LRP4: variants seen among roughly 807,000 people sequenced by gnomAD.
LRP4 encodes LDL receptor related protein 4.
A neutral mutation model predicts 220.3 loss-of-function variants in LRP4; 95 were observed. The observed-to-expected ratio is 0.43, with a 90% CI of 0.37 to 0.51. The LOEUF is 0.51. Ranked by LOEUF, LRP4 falls within the 20% of genes least tolerant of loss-of-function variation. LRP4 has a pLI of 0.00. For synonymous variants in LRP4, 903 were observed against 954.6 expected (o/e 0.95, Z 1.00); for missense variants, 1,925 against 2,567.0 (o/e 0.75, Z 5.40).
At chr11:46,909,748 T>A (rs1276047686) in intron 1 of LRP4, among the ~76,000 whole-genome samples, 1 of 150,138 alleles carries the variant, frequency 6.7e-6, no homozygotes, top group Non-Finnish European at 1.5e-5. Context: ...AATGAATGAA[T>A]GAATGAAACA....
In LRP4 at chr11:46,900,415, C is replaced by G. The variant is rs17848235; in HGVS notation, c.200-37G>C. 8.5e-6 allele frequency: 11 copies of G among 1,290,562 alleles called. No homozygotes were observed. In the East Asian group the frequency reaches 2.5e-4, roughly 30 times the overall value. The allele number at this position is 1,290,562 out of a possible 1,614,324, so 79.9% of individuals were successfully genotyped here. A position where few individuals can be genotyped will look rare whatever the true frequency, so the allele number is the denominator to read the frequency against. On this transcript the variant is annotated intron_variant, in intron 2 of 37. Transcript: ENST00000378623. ...GAAAAGAAAAGAAAAGTCAATCAAC[C>G]TGGTATTCTTACTCAGGCTCAACTA...
Position 46,875,227 on chromosome 11 carries a change from GT to G in LRP4, c.3926-125del. 1 of 1,090,470 alleles carries G rather than the reference GT, an allele frequency of 9.2e-7. No homozygotes were observed. The highest frequency in any genetic ancestry group is 2.0e-5 in the Admixed American group (1 of 50,568). 67.5% of individuals were successfully genotyped at this position (1,090,470 alleles called of 1,614,324 possible). A position where few individuals can be genotyped will look rare whatever the true frequency, so the allele number is the denominator to read the frequency against. On this transcript the variant is annotated intron_variant, in intron 27 of 37. Transcript: ENST00000378623. This position sits in a 1 kb window ranked among gnomAD's most constrained non-coding sequence, Gnocchi z 4.5. ...GTGACAGGATTCAGTGCCTGGCAGG[GT>G]GAGGTAGAAGGAGGGTCTGCAGGAG...
chr11:46,907,118 A>G (rs984666583), intron 1 of LRP4, among the ~76,000 whole-genome samples: 2 of 152,314 alleles, frequency 1.3e-5, no homozygotes, highest in African/African-American at 2.4e-5. Flanking sequence ...AAGAAAACAA[A>G]TGACTGTGGG....
intron 12 of LRP4, among the ~76,000 whole-genome samples, 167 bp downstream of exon 12, chr11:46,894,422 T>C (rs1941481807): frequency 2.0e-5 from 3 of 152,204 alleles, no homozygotes; most frequent in South Asian, 2.1e-4. Context: ...ACCTATAAAA[T>C]TGATATACAT....
At chr11:46,879,104 A>G (rs1390380304) in intron 21 of LRP4, 22 bp downstream of exon 21, 1 of 1,614,114 alleles carries the variant, frequency 6.2e-7, no homozygotes, top group African/African-American at 1.3e-5. Context: ...GGAGAAGCCA[A>G]TGCGAGCCAA....
At chr11:46,910,024 G>A (rs1421816352) in intron 1 of LRP4, among the ~76,000 whole-genome samples, 1 of 152,168 alleles carries the variant, frequency 6.6e-6, no homozygotes, top group East Asian at 1.9e-4. Flanking sequence ...CCGATTCCTA[G>A]AGGCCAGCTT....
In LRP4 at chr11:46,899,671, CTG is replaced by C. The variant is rs995061598; in HGVS notation, c.431-170_431-169del. Among the ~76,000 whole-genome samples, 4 of 152,162 alleles carry C rather than the reference CTG, an allele frequency of 2.6e-5. No individual in the cohort carries two copies. Among genetic ancestry groups the C allele is most frequent in the African/African-American group, 7.2e-5 (3 of 41,432 alleles). ...AGGGAGAACGGAGGCCCTGGAGAGACTGGGCCTCAGCCTCCTGGTCCACAGTT... is the reference window on the plus strand; with the variant it reads ...AGGGAGAACGGAGGCCCTGGAGAGACGGCCTCAGCCTCCTGGTCCACAGTT... On this transcript the variant is annotated intron_variant, in intron 4 of 37. Transcript: ENST00000378623. The surrounding 1 kb of genome is among the most constrained non-coding windows in gnomAD (Gnocchi z 5.9).
At position 46,873,659 on chromosome 11, in the gene LRP4, A is replaced by C; in HGVS notation, c.4230-66T>G. ...CCAGAATAGAGTAGAACTTTAACCC[A>C]TGTTCCCATAACTGGACCCCACTGA... On this transcript the variant is annotated intron_variant, in intron 28 of 37. Transcript: ENST00000378623. The surrounding 1 kb of genome is among the most constrained non-coding windows in gnomAD (Gnocchi z 4.2). The C allele has an allele frequency of 7.4e-7, 1 of 1,354,894 alleles. No individual in the cohort carries two copies. The highest frequency in any genetic ancestry group is 2.3e-5 in the East Asian group (1 of 43,492). 83.9% of individuals were successfully genotyped at this position (1,354,894 alleles called of 1,614,324 possible). A position where few individuals can be genotyped will look rare whatever the true frequency, so the allele number is the denominator to read the frequency against.
At chr11:46,886,554 GTCT>G in intron 16 of LRP4, 21 bp from the exon 17 acceptor site, 1 of 1,603,964 alleles carries the variant, frequency 6.2e-7, no homozygotes, top group Non-Finnish European at 8.5e-7. Flanking sequence ...GCCGAAAGGG[GTCT>G]TCTTTTAATG....
intron 2 of LRP4, 101 bp from the exon 3 acceptor site, chr11:46,900,479 T>C: frequency 1.2e-6 from 1 of 812,336 alleles, no homozygotes; most frequent in Non-Finnish European, 2.2e-6. Flanking sequence ...CTTGTCTTTT[T>C]TTCTTTTTTT....
At chr11:46,915,668 C>T (rs965588585) in intron 1 of LRP4, among the ~76,000 whole-genome samples, 1 of 152,140 alleles carries the variant, frequency 6.6e-6, no homozygotes, top group South Asian at 2.1e-4. Flanking sequence ...CTCATCCATT[C>T]GAGTAGCTGG....
Position 46,902,811 on chromosome 11 carries a change from G to A in LRP4, c.171C>T (p.Cys57=), listed in dbSNP as rs142946526. 8 of 1,614,038 alleles carry A rather than the reference G, an allele frequency of 5.0e-6. No homozygotes were observed. The highest frequency in any genetic ancestry group is 4.0e-5 in the African/African-American group (3 of 75,024). Residue 57 remains cysteine, a synonymous_variant, in exon 2 of 38, where the codon TGC becomes TGT. Coordinates refer to ENST00000378623, the MANE Select transcript of LRP4 (RefSeq NM_002334.4). ...AQWQCDGDND[C]GDHSDEDGCI... is the part of the protein sequence containing the mutation. Reference sequence around the variant, plus strand: ...ATCCATCCTCATCGCTGTGGTCCCCGCAGTCATTGTCTCCATCACACTGCC... The same window carrying A: ...ATCCATCCTCATCGCTGTGGTCCCCACAGTCATTGTCTCCATCACACTGCC...
intron 6 of LRP4, 109 bp from the exon 7 acceptor site, chr11:46,898,786 A>G (rs1483690673): frequency 1.9e-5 from 31 of 1,603,838 alleles, no homozygotes; most frequent in Non-Finnish European, 1.9e-5. Context: ...CCCAAGAGGG[A>G]CCAGAAAATC....
At position 46,864,490 on chromosome 11, in the gene LRP4, A is replaced by C; in HGVS notation, c.5201T>G (p.Ile1734Ser). Residue 1734 changes from isoleucine to serine, a missense_variant, in exon 36 of 38, where the codon ATT (isoleucine) becomes AGT (serine). Transcript: ENST00000378623. Reference protein sequence around the residue: ...ISYAIGGLLSILLILVVIAAL... With the variant: ...ISYAIGGLLSSLLILVVIAAL... ...TGCAATCACCACCAAAATCAGCAGA[A>C]TACTGAGGAGTCCACCAATGGCGTA... 1 of 1,614,014 alleles carries C rather than the reference A, an allele frequency of 6.2e-7. No individual in the cohort carries two copies. Among genetic ancestry groups the C allele is most frequent in the Non-Finnish European group, 8.5e-7 (1 of 1,179,932 alleles).
In LRP4 at chr11:46,874,781, G is replaced by A. The variant is rs747470797; in HGVS notation, c.4229+19C>T. The A allele has an allele frequency of 2.5e-6, 4 of 1,611,610 alleles. No homozygotes were observed. Among genetic ancestry groups the A allele is most frequent in the Non-Finnish European group, 2.5e-6 (3 of 1,177,792 alleles). On this transcript the variant is annotated intron_variant, in intron 28 of 37. Coordinates refer to ENST00000378623, the MANE Select transcript of LRP4 (RefSeq NM_002334.4). The stretch of plus-strand genomic sequence containing the variant: ...AGAAGCAAATCTGTGTCTTCTGGAG[G>A]TTTCAGTGTTGCTCATACCTGATAA...
intron 18 of LRP4, among the ~76,000 whole-genome samples, chr11:46,884,179 AG>A (rs1378629086): frequency 2.0e-5 from 3 of 152,230 alleles, no homozygotes; most frequent in African/African-American, 7.2e-5. Context: ...ATTTCTTGAA[AG>A]AGCAAGACTT....
chr11:46,875,192 G>A lies in LRP4; in HGVS notation c.3926-89C>T, dbSNP rs1025210904. The A allele has an allele frequency of 1.5e-6, 2 of 1,364,038 alleles. No homozygotes were observed. Among genetic ancestry groups the A allele is most frequent in the African/African-American group, 2.9e-5 (2 of 70,130 alleles). 84.5% of individuals were successfully genotyped at this position (1,364,038 alleles called of 1,614,324 possible). A position where few individuals can be genotyped will look rare whatever the true frequency, so the allele number is the denominator to read the frequency against. On this transcript the variant is annotated intron_variant, in intron 27 of 37. Coordinates refer to ENST00000378623, the MANE Select transcript of LRP4 (RefSeq NM_002334.4). The surrounding 1 kb of genome is among the most constrained non-coding windows in gnomAD (Gnocchi z 4.5). Reference sequence around the variant, plus strand: ...CCCAGTTGTTTGTGGCTGGCTCTTTGCTGTTCTAAGTGACAGGATTCAGTG... The same window carrying A: ...CCCAGTTGTTTGTGGCTGGCTCTTTACTGTTCTAAGTGACAGGATTCAGTG...
intron 37 of LRP4, among the ~76,000 whole-genome samples, chr11:46,861,554 G>A (rs1392934668): frequency 9.9e-6 from 1 of 101,162 alleles, no homozygotes; most frequent in Non-Finnish European, 1.9e-5. Flanking sequence ...TTGAGACAGG[G>A]TCTCATTGTC....
rs199997747 is a variant in LRP4, at chr11:46,883,904, C to T, written c.2579G>A (p.Arg860His). ...RTVLIWENLD[R>H]PRDIVVEPMG... ...GGGTTCCACCACGATGTCCCGAGGA[C>T]GATCAAGGTTCTCCCAGATGAGTAC... Residue 860 changes from arginine to histidine, a missense_variant, in exon 19 of 38, where the codon CGT becomes CAT. Coordinates refer to ENST00000378623, the MANE Select transcript of LRP4 (RefSeq NM_002334.4). 15 of 1,614,092 alleles carry T rather than the reference C, an allele frequency of 9.3e-6. No individual in the cohort carries two copies. The highest frequency in any genetic ancestry group is 2.2e-5 in the East Asian group (1 of 44,898).
Sources: allele counts gnomAD v4.1 joint callset (sites outside exome capture counted in the v4.1 genomes callset), GRCh38; gene constraint gnomAD v4.1.1; non-coding constraint Gnocchi (gnomAD v3.1); transcripts MANE v1.5; gene names NCBI Gene and HGNC (gene_info 2026-07-23, HGNC 2026-07-21).